The following GPHN variants were observed in gnomAD, a reference collection of about 807,000 sequenced individuals.
GPHN encodes the protein gephyrin.
A neutral mutation model predicts 95.5 loss-of-function variants in GPHN; 17 were observed. The observed-to-expected ratio is 0.18, with a 90% CI of 0.12 to 0.27. The LOEUF (loss-of-function observed/expected upper bound fraction) is 0.27, where lower values mean the gene tolerates loss of function less well. Among genes scored for constraint, GPHN ranks in the 10% least tolerant of loss-of-function variants. GPHN has a pLI of 1.00. For missense variants in GPHN, 660 were observed against 978.1 expected, an observed-to-expected ratio of 0.67 and a Z score of 4.34; for synonymous variants, 320 against 322.5, an observed-to-expected ratio of 0.99 and a Z score of 0.08.
At chr14:66,797,142 G>A (rs1363117666) in intron 3 of GPHN, among the ~76,000 whole-genome samples, 1 of 149,910 alleles carries the variant, frequency 6.7e-6, no homozygotes, top group Non-Finnish European at 1.5e-5. Context: ...GTTCACTGTA[G>A]GTATGTGGAT....
chr14:67,225,479 G>A, the GPHN span, among the ~76,000 whole-genome samples: 2 of 152,192 alleles, frequency 1.3e-5, no homozygotes, highest in Non-Finnish European at 2.9e-5. Context: ...GGAGGAGAGA[G>A]GGCTTCAGGT....
intron 3 of GPHN, among the ~76,000 whole-genome samples, chr14:66,798,883 T>C (rs1211769106): frequency 6.6e-6 from 1 of 151,890 alleles, no homozygotes; most frequent in Non-Finnish European, 1.5e-5. Flanking sequence ...CTTGCTTGTC[T>C]AGTTCTTTAA....
the GPHN span, among the ~76,000 whole-genome samples, chr14:67,641,804 CTCTT>C: frequency 2.0e-5 from 3 of 151,890 alleles, no homozygotes; most frequent in Admixed American, 6.6e-5. Flanking sequence ...AAATGAGACT[CTCTT>C]TGTGTATTTT....
chr14:67,036,541 A>ACACACACACACACACACACACG (rs2074436167), intron 10 of GPHN, among the ~76,000 whole-genome samples: 1 of 145,280 alleles, frequency 6.9e-6, no homozygotes, highest in African/African-American at 2.5e-5. Flanking sequence ...ACACACACAC[A>ACACACACACACACACACACACG]GAGAAACACT....
At chr14:66,852,207 G>T (rs2062610887) in intron 4 of GPHN, among the ~76,000 whole-genome samples, 1 of 152,156 alleles carries the variant, frequency 6.6e-6, no homozygotes, top group South Asian at 2.1e-4. Context: ...AATCTTTATG[G>T]ATAATCTGAA....
the GPHN span, among the ~76,000 whole-genome samples, chr14:67,290,816 T>C: frequency 1.6e-3 from 243 of 152,334 alleles, no homozygotes; most frequent in African/African-American, 5.6e-3. Context: ...GTTACAGACC[T>C]GAGCCACTGC....
At position 66,710,568 on chromosome 14, in the gene GPHN, G is replaced by C. The variant is rs181890300; in HGVS notation, c.143+29383G>C. Among the ~76,000 whole-genome samples, 182 of 152,002 alleles carry C rather than the reference G, an allele frequency of 1.2e-3. 2 individuals carry two copies. Among genetic ancestry groups the C allele is most frequent in the Non-Finnish European group, 2.1e-3 (140 of 67,962 alleles). On this transcript the variant is annotated intron_variant, in intron 2 of 22. Coordinates refer to ENST00000478722, the MANE Select transcript of GPHN (RefSeq NM_020806.5). The stretch of plus-strand genomic sequence containing the variant: ...TATTTTATACTGTTTTATTTTTTCT[G>C]TAGCCAACTTCATTAGATCTGCTTG...
chr14:67,299,487 A>G, the GPHN span, among the ~76,000 whole-genome samples: 1 of 152,234 alleles, frequency 6.6e-6, no homozygotes, highest in Admixed American at 6.5e-5. Flanking sequence ...TTTAAAATAC[A>G]AAAGGGTCTT....
chr14:67,322,988 T>C, the GPHN span, among the ~76,000 whole-genome samples: 1 of 152,174 alleles, frequency 6.6e-6, no homozygotes, highest in Admixed American at 6.5e-5. Context: ...ATTTTGCTTA[T>C]ATTTAGTGTC....
chr14:67,038,425 T>C (rs141173272), intron 10 of GPHN, among the ~76,000 whole-genome samples: 115 of 152,226 alleles, frequency 7.6e-4, no homozygotes, highest in African/African-American at 2.7e-3. Context: ...ACATAAATAC[T>C]TAAAAATTGT....
chr14:67,600,673 G>A, the GPHN span, among the ~76,000 whole-genome samples: 2 of 152,212 alleles, frequency 1.3e-5, no homozygotes, highest in East Asian at 1.9e-4. Flanking sequence ...TGCTTCCCCC[G>A]GGTTCAAGCG....
At chr14:67,516,746 T>C in the GPHN span, among the ~76,000 whole-genome samples, 1 of 152,238 alleles carries the variant, frequency 6.6e-6, no homozygotes, top group Non-Finnish European at 1.5e-5. Context: ...AAGGAATTTC[T>C]AAGCCCATCC....
At chr14:66,718,931 A>G (rs2070460640) in intron 2 of GPHN, among the ~76,000 whole-genome samples, 1 of 152,034 alleles carries the variant, frequency 6.6e-6, no homozygotes, top group Admixed American at 6.5e-5. Flanking sequence ...GGAGTTGTGT[A>G]CCTAGGAGGA....
chr14:66,698,017 T>A (rs2068230495), intron 2 of GPHN, among the ~76,000 whole-genome samples: 1 of 152,122 alleles, frequency 6.6e-6, no homozygotes, highest in Non-Finnish European at 1.5e-5. Context: ...AATATTTTCA[T>A]CTTATGAAAT....
chr14:66,536,672 C>A (rs951952746), intron 1 of GPHN, among the ~76,000 whole-genome samples: 1 of 152,068 alleles, frequency 6.6e-6, no homozygotes, highest in African/African-American at 2.4e-5. Context: ...CTTTTTTATT[C>A]TCTGAAAGCA....
At chr14:67,072,754 CT>C (rs2076357769) in intron 11 of GPHN, among the ~76,000 whole-genome samples, 1 of 151,410 alleles carries the variant, frequency 6.6e-6, no homozygotes, top group Non-Finnish European at 1.5e-5. Flanking sequence ...CTATAAACTC[CT>C]CTTCTGCAGA....
chr14:67,557,158 G>A, the GPHN span: 3 of 797,544 alleles, frequency 3.8e-6, no homozygotes, highest in Admixed American at 2.4e-5. Flanking sequence ...TAAGGGCTGT[G>A]CCTGGGAGTC....
At chr14:67,133,103 T>G (rs1033893924) in intron 17 of GPHN, among the ~76,000 whole-genome samples, 1 of 152,156 alleles carries the variant, frequency 6.6e-6, no homozygotes, top group Non-Finnish European at 1.5e-5. Context: ...GTATGTAGTT[T>G]GATTCCATAC....
At position 67,144,274 on chromosome 14, in the gene GPHN, T is replaced by TAC. The variant is rs1567401011; in HGVS notation, c.1836+826_1836+827insCA. 2.1e-4 allele frequency among the ~76,000 whole-genome samples: 24 copies of TAC among 115,542 alleles called. 2 individuals are homozygous for TAC. The highest frequency in any genetic ancestry group is 6.8e-4 in the African/African-American group (19 of 27,810). 75.8% of individuals were successfully genotyped at this position (115,542 alleles called of 152,430 possible). On this transcript the variant is annotated intron_variant, in intron 18 of 22. Transcript: ENST00000478722. ...AAATATATATATATATATATATATATATATATATATATACACACACACATA... is the reference window on the plus strand; with the variant it reads ...AAATATATATATATATATATATATATACATATATATATATACACACACACATA...
Sources: allele counts gnomAD v4.1 joint callset (sites outside exome capture counted in the v4.1 genomes callset), GRCh38; gene constraint gnomAD v4.1.1; transcripts MANE v1.5; gene names NCBI Gene and HGNC (gene_info 2026-07-23, HGNC 2026-07-21).